The following ANKRD50 variants were observed in gnomAD, a reference collection of about 807,000 sequenced individuals.
The protein encoded by ANKRD50 is ankyrin repeat domain-containing protein 50.
Under a neutral mutation model 112.0 loss-of-function variants are expected in ANKRD50, and 40 were observed. That is an observed-to-expected ratio of 0.36 (90% CI 0.28 to 0.46). The LOEUF (loss-of-function observed/expected upper bound fraction) is 0.46, where lower values mean the gene tolerates loss of function less well. Among genes scored for constraint, ANKRD50 ranks in the 20% least tolerant of loss-of-function variants. The pLI is 1.00. For synonymous variants in ANKRD50, 613 were observed against 619.1 expected (o/e 0.99, Z 0.15); for missense variants, 1,487 against 1,701.7 (o/e 0.87, Z 2.22).
chr4:124,711,896 G>C (rs1254316784), intron 1 of ANKRD50, among the ~76,000 whole-genome samples: 1 of 152,198 alleles, frequency 6.6e-6, no homozygotes, highest in Non-Finnish European at 1.5e-5. Flanking sequence ...TCTGGCCGGA[G>C]AAAAGGCTGC....
rs1191642703 is a variant in ANKRD50, at chr4:124,670,861, C to G, written c.2416G>C (p.Ala806Pro). The change falls in exon 4 of 5, where the codon GCT becomes CCT. Residue 806 changes from alanine (A) to proline (P), a missense_variant. By Grantham distance (27) the Ala-to-Pro change is conservative. Coordinates refer to ENST00000504087, the MANE Select transcript of ANKRD50 (RefSeq NM_020337.3). The stretch of plus-strand genomic sequence containing the variant: ...CCTTCACTATCAATACTATCCACAG[C>G]TGCACCCCAAAACAAAAGTGTATTT... ...VVNTLLFWGA[A>P]VDSIDSEGRT... The G allele has an allele frequency of 1.9e-6, 3 of 1,613,752 alleles. No individual in the cohort carries two copies. Among genetic ancestry groups the G allele is most frequent in the African/African-American group, 2.7e-5 (2 of 74,886 alleles).
intron 2 of ANKRD50, among the ~76,000 whole-genome samples, chr4:124,705,308 T>C (rs1725481775): frequency 6.6e-6 from 1 of 152,204 alleles, no homozygotes; most frequent in Admixed American, 6.5e-5. Context: ...CTTTCACCAT[T>C]AGCACAAATT....
Position 124,669,362 on chromosome 4 carries a change from A to T in ANKRD50, c.3915T>A (p.Asp1305Glu). 6.2e-7 allele frequency: 1 copy of T among 1,613,606 alleles called. No homozygotes were observed. Among genetic ancestry groups the T allele is most frequent in the Non-Finnish European group, 8.5e-7 (1 of 1,179,786 alleles). Residue 1305 changes from aspartate (D) to glutamate (E), a missense_variant, in exon 4 of 5, where the codon GAT (aspartate) becomes GAA (glutamate). By Grantham distance (45) the Asp-to-Glu change is conservative. Around this residue, in one of 2 missense-constraint regions of ANKRD50, gnomAD observed 441 missense variants for 432.2 expected, o/e 1.02. Transcript: ENST00000504087. ...CGGATTTGGCTATAGGTCCTCTTCTATCAAACTGAGTCATTTCATATTCTA... is the reference window on the plus strand; with the variant it reads ...CGGATTTGGCTATAGGTCCTCTTCTTTCAAACTGAGTCATTTCATATTCTA... ...KVLEYEMTQF[D>E]RRGPIAKSGT...
At chr4:124,708,963 A>C (rs1457550051) in intron 2 of ANKRD50, among the ~76,000 whole-genome samples, 1 of 151,370 alleles carries the variant, frequency 6.6e-6, no homozygotes, top group African/African-American at 2.4e-5. Flanking sequence ...AAATGTATAG[A>C]TTTCACCCCA....
chr4:124,671,485 TCAAA>T lies in ANKRD50; in HGVS notation c.1788_1791del (p.Cys596Ter), dbSNP rs1406095298. The T allele has an allele frequency of 1.2e-6, 2 of 1,613,736 alleles. No homozygotes were observed. Among genetic ancestry groups the T allele is most frequent in the Non-Finnish European group, 1.7e-6 (2 of 1,179,832 alleles). ...TGATTAATATTTGCTCCACACCCAA[TCAAA>T]CAATTAACCACCTTGGTATGTCCCT... On this transcript the variant is annotated frameshift_variant, in exon 4 of 5. Coordinates refer to ENST00000504087, the MANE Select transcript of ANKRD50 (RefSeq NM_020337.3). LOFTEE classifies it high-confidence loss of function.
At chr4:124,679,666 C>T in intron 2 of ANKRD50, among the ~76,000 whole-genome samples, 1 of 152,124 alleles carries the variant, frequency 6.6e-6, no homozygotes, top group East Asian at 1.9e-4. Flanking sequence ...ATAATCCATC[C>T]AGTTATGCAC....
rs1400849368 is a variant in ANKRD50 at position 124,670,467 on chromosome 4, G to A, written c.2810C>T (p.Ala937Val). The A allele has an allele frequency of 2.5e-6, 4 of 1,613,692 alleles. No individual in the cohort carries two copies. The highest frequency in any genetic ancestry group is 3.3e-5 in the Admixed American group (2 of 59,932). Residue 937 changes from alanine (A) to valine (V), a missense_variant, in exon 4 of 5, where the codon GCT (alanine) becomes GTT (valine). By Grantham distance (64) the Ala-to-Val change is moderately conservative (BLOSUM62 0). This residue lies in a region of ANKRD50 where 1,046 missense variants were observed against 1,269.5 expected (regional missense o/e 0.82). Transcript: ENST00000504087. ...DIVELLFSHGADVNCKDADGR... is the reference protein window; with the variant it reads ...DIVELLFSHGVDVNCKDADGR... ...ATCAGCATCTTTGCAGTTAACATCA[G>A]CACCATGGCTAAAAAGCAATTCAAC...
chr4:124,701,942 C>CA (rs1725402275), intron 2 of ANKRD50, among the ~76,000 whole-genome samples: 1 of 151,724 alleles, frequency 6.6e-6, no homozygotes, highest in Non-Finnish European at 1.5e-5. Context: ...AAGCAAACTG[C>CA]AAAAAAATCA....
intron 2 of ANKRD50, among the ~76,000 whole-genome samples, chr4:124,707,362 C>A (rs1214141797): frequency 6.6e-6 from 1 of 151,942 alleles, no homozygotes; most frequent in Non-Finnish European, 1.5e-5. Context: ...ATAATAGAAC[C>A]TACAATAAAA....
At chr4:124,689,071 T>G (rs927600692) in intron 2 of ANKRD50, among the ~76,000 whole-genome samples, 1 of 152,196 alleles carries the variant, frequency 6.6e-6, no homozygotes, top group African/African-American at 2.4e-5. Context: ...ATGAAAGCCC[T>G]TATAACAAAT....
At chr4:124,672,819 GCAGA>G (rs1412293376) in intron 3 of ANKRD50, among the ~76,000 whole-genome samples, 2 of 151,938 alleles carry the variant, frequency 1.3e-5, no homozygotes, top group Non-Finnish European at 2.9e-5. Context: ...TAATTAAGAA[GCAGA>G]CAGTCTTACA....
At chr4:124,704,605 T>C (rs965490193) in intron 2 of ANKRD50, among the ~76,000 whole-genome samples, 2 of 152,220 alleles carry the variant, frequency 1.3e-5, no homozygotes, top group African/African-American at 4.8e-5. Flanking sequence ...CAGCCTTCTT[T>C]CAATTAGGTT....
chr4:124,689,010 C>T (rs144852590), intron 2 of ANKRD50, among the ~76,000 whole-genome samples: 10 of 152,226 alleles, frequency 6.6e-5, no homozygotes, highest in South Asian at 2.1e-4. Flanking sequence ...ATTTCTCACC[C>T]GACAACCCAA....
chr4:124,675,756 A>G (rs950957815), intron 3 of ANKRD50, among the ~76,000 whole-genome samples: 4 of 151,766 alleles, frequency 2.6e-5, no homozygotes, highest in African/African-American at 9.7e-5. Flanking sequence ...TTTGTGCACA[A>G]AATGTTTTGA....
intron 3 of ANKRD50, among the ~76,000 whole-genome samples, chr4:124,678,188 T>A: frequency 6.6e-6 from 1 of 152,164 alleles, no homozygotes; most frequent in South Asian, 2.1e-4. Flanking sequence ...CTGTGATATG[T>A]CCTTGTTTTA....
intron 1 of ANKRD50, among the ~76,000 whole-genome samples, chr4:124,711,573 C>CTTG: frequency 6.6e-6 from 1 of 152,062 alleles, no homozygotes; most frequent in Admixed American, 6.5e-5. Context: ...TACAGTAACA[C>CTTG]CCTTAACTCC....
In ANKRD50 at chr4:124,666,225, A is replaced by G. The variant is rs1052042235; in HGVS notation, c.*1293T>C. The G allele has an allele frequency of 6.6e-6, 1 of 152,490 alleles. No homozygotes were observed. Among genetic ancestry groups the G allele is most frequent in the Admixed American group, 6.6e-5 (1 of 15,250 alleles). 9.4% of individuals were successfully genotyped at this position (152,490 alleles called of 1,614,324 possible). Reference sequence around the variant, plus strand: ...AGTAAGGAGACTAAGGCTGTGGGACACATGCTCATTTGAACCAATTTTACC... The same window carrying G: ...AGTAAGGAGACTAAGGCTGTGGGACGCATGCTCATTTGAACCAATTTTACC... On this transcript the variant is annotated 3_prime_UTR_variant, in exon 5 of 5. Transcript: ENST00000504087.
chr4:124,680,897 A>G (rs984185992), intron 2 of ANKRD50, among the ~76,000 whole-genome samples: 1 of 152,200 alleles, frequency 6.6e-6, no homozygotes, highest in Non-Finnish European at 1.5e-5. Context: ...AAAGGCTTAA[A>G]GAAGAGAAAG....
chr4:124,668,782 G>A (rs1730555098), intron 4 of ANKRD50, among the ~76,000 whole-genome samples: 1 of 151,956 alleles, frequency 6.6e-6, no homozygotes, highest in South Asian at 2.1e-4. Flanking sequence ...AAGTGCTTTG[G>A]ATAACATAAT....
Sources: allele counts gnomAD v4.1 joint callset (sites outside exome capture counted in the v4.1 genomes callset), GRCh38; gene constraint gnomAD v4.1.1; regional missense constraint gnomAD v4.1.1; transcripts MANE v1.5; gene names NCBI Gene and HGNC (gene_info 2026-07-23, HGNC 2026-07-21).